Variants in TAFA2 observed in about 807,000 individuals in gnomAD.
The protein encoded by TAFA2 is TAFA chemokine like family member 2, also known as chemokine-like protein TAFA-2.
Under a neutral mutation model 18.8 loss-of-function variants are expected in TAFA2, and 7 were observed. The observed-to-expected ratio is 0.37, with a 90% CI of 0.21 to 0.70. The LOEUF is 0.70. TAFA2 is among the 30% of genes least tolerant of loss of function. The pLI is 0.53. For synonymous variants in TAFA2, 60 were observed against 54.2 expected (o/e 1.11, Z -0.47); for missense variants, 122 against 158.1 (o/e 0.77, Z 1.23).
intron 1 of TAFA2, among the ~76,000 whole-genome samples, chr12:62,251,731 G>A (rs1361959773): frequency 6.6e-6 from 1 of 152,156 alleles, no homozygotes; most frequent in East Asian, 1.9e-4. Flanking sequence ...AGGAAATGAA[G>A]CCAAGTCTTT....
chr12:62,085,820 A>G (rs1437523755), intron 1 of TAFA2, among the ~76,000 whole-genome samples: 1 of 152,138 alleles, frequency 6.6e-6, no homozygotes, highest in Non-Finnish European at 1.5e-5. Flanking sequence ...CTCCTGTTGA[A>G]TTGTAATTTC....
In TAFA2 at chr12:62,176,663, T is replaced by C. The variant is rs548209871; in HGVS notation, c.-2+14596A>G. On this transcript the variant is annotated intron_variant, in intron 1 of 4. Coordinates refer to ENST00000416284, the MANE Select transcript of TAFA2 (RefSeq NM_178539.5). ...AACAACGCTTTTCATCAAATGAAATTGGAGAATCATAGAAATGCATTTATA... is the reference window on the plus strand; with the variant it reads ...AACAACGCTTTTCATCAAATGAAATCGGAGAATCATAGAAATGCATTTATA... Among the ~76,000 whole-genome samples, 6 of 152,340 alleles carry C rather than the reference T, an allele frequency of 3.9e-5. No individual in the cohort carries two copies. The South Asian group carries it at 1.2e-3, about 32-fold the overall frequency.
intron 1 of TAFA2, among the ~76,000 whole-genome samples, chr12:61,908,444 G>A (rs1026707274): frequency 6.6e-5 from 10 of 151,944 alleles, no homozygotes; most frequent in Admixed American, 2.6e-4. Flanking sequence ...ACCTGCAGCC[G>A]TGATTATGAG....
intron 1 of TAFA2, among the ~76,000 whole-genome samples, chr12:61,922,498 C>T (rs1057335224): frequency 6.6e-6 from 1 of 152,130 alleles, no homozygotes; most frequent in Non-Finnish European, 1.5e-5. Context: ...TGCAAGGGGT[C>T]GGGGAACCCC....
chr12:62,213,278 G>A (rs1036099033), intron 1 of TAFA2, among the ~76,000 whole-genome samples: 4 of 152,158 alleles, frequency 2.6e-5, no homozygotes, highest in African/African-American at 9.7e-5. Flanking sequence ...TCTGTTTATG[G>A]ATAAGCTGCC....
chr12:62,234,537 G>T, intron 1 of TAFA2: 1 of 873,182 alleles, frequency 1.1e-6, no homozygotes, highest in Non-Finnish European at 2.0e-6. Context: ...AATGTCTGGT[G>T]TGTACCCACG....
chr12:61,899,249 C>T (rs1875991280), intron 1 of TAFA2, among the ~76,000 whole-genome samples: 1 of 152,194 alleles, frequency 6.6e-6, no homozygotes. Context: ...ACAGACAACT[C>T]TGTGGGGACA....
intron 1 of TAFA2, among the ~76,000 whole-genome samples, chr12:61,932,345 T>A (rs1259497632): frequency 6.6e-6 from 1 of 152,104 alleles, no homozygotes; most frequent in Non-Finnish European, 1.5e-5. Flanking sequence ...TCAGTGACAG[T>A]GATAAATAGA....
In TAFA2 at chr12:62,153,921, ATTATGTTATGTTATGTTATG is replaced by A. The variant is rs60466452; in HGVS notation, c.-2+37318_-2+37337del. 3.3e-3 allele frequency among the ~76,000 whole-genome samples: 412 copies of A among 124,124 alleles called. 4 individuals are homozygous for A. In the East Asian group the frequency reaches 0.035, roughly 11 times the overall value. The allele number at this position is 124,124 out of a possible 152,430, so 81.4% of individuals were successfully genotyped here. On this transcript the variant is annotated intron_variant, in intron 1 of 4. Transcript: ENST00000416284. ...TATACACAGGCATGAACATAACAAA[ATTATGTTATGTTATGTTATG>A]TTATGTTATGTTATGTTATGTTATG...
intron 2 of TAFA2, among the ~76,000 whole-genome samples, chr12:61,846,229 G>A (rs1873399466): frequency 6.6e-6 from 1 of 152,018 alleles, no homozygotes; most frequent in African/African-American, 2.4e-5. Context: ...TATACCAGAC[G>A]GATAGACTTT....
intron 4 of TAFA2, among the ~76,000 whole-genome samples, chr12:61,723,293 G>A (rs73322443): frequency 0.015 from 2,313 of 152,114 alleles, 48 homozygotes; most frequent in African/African-American, 0.05. Context: ...ATTTTGTTTC[G>A]TCAGTGCTAA....
At chr12:62,067,694 C>T (rs1882526192) in intron 1 of TAFA2, among the ~76,000 whole-genome samples, 1 of 152,010 alleles carries the variant, frequency 6.6e-6, no homozygotes, top group South Asian at 2.1e-4. Context: ...ATGGCAGTAC[C>T]ATGCCATTTT....
intron 2 of TAFA2, among the ~76,000 whole-genome samples, chr12:61,830,341 A>T (rs1477291301): frequency 6.6e-6 from 1 of 151,266 alleles, no homozygotes; most frequent in African/African-American, 2.4e-5. Flanking sequence ...ATATGTATAC[A>T]TACACACATA....
intron 2 of TAFA2, among the ~76,000 whole-genome samples, chr12:61,761,388 A>G (rs933260978): frequency 6.6e-6 from 1 of 152,062 alleles, no homozygotes; most frequent in African/African-American, 2.4e-5. Flanking sequence ...TTGTGAACCA[A>G]CCATAAATAC....
chr12:61,830,829 C>T (rs1872694403), intron 2 of TAFA2, among the ~76,000 whole-genome samples: 2 of 151,870 alleles, frequency 1.3e-5, no homozygotes, highest in Admixed American at 6.6e-5. Context: ...TTTAATTCTA[C>T]GATGAAGATA....
intron 1 of TAFA2, among the ~76,000 whole-genome samples, chr12:62,220,935 A>G (rs1342525863): frequency 6.6e-6 from 1 of 151,826 alleles, no homozygotes; most frequent in African/African-American, 2.4e-5. Flanking sequence ...GTGAAACCCC[A>G]TCTCTACTAA....
At chr12:61,970,982 A>G (rs1007053836) in intron 1 of TAFA2, among the ~76,000 whole-genome samples, 2 of 151,710 alleles carry the variant, frequency 1.3e-5, no homozygotes, top group African/African-American at 2.4e-5. Flanking sequence ...CTTATGATTC[A>G]TTAGTTCTAA....
At chr12:62,101,585 C>G (rs1423915499) in intron 1 of TAFA2, among the ~76,000 whole-genome samples, 1 of 152,182 alleles carries the variant, frequency 6.6e-6, no homozygotes, top group Admixed American at 6.5e-5. Flanking sequence ...AGCCACAGAA[C>G]CTTTTGTGCA....
chr12:62,063,209 A>G (rs939220854), intron 1 of TAFA2, among the ~76,000 whole-genome samples: 1 of 152,204 alleles, frequency 6.6e-6, no homozygotes, highest in Non-Finnish European at 1.5e-5. Flanking sequence ...GTCCTTCAGC[A>G]TGAAAGTTGT....
Sources: gnomAD v4.1 joint callset for allele counts (sites outside exome capture counted in the v4.1 genomes callset) on GRCh38, gnomAD v4.1.1 for gene constraint, MANE v1.5 for transcripts, NCBI Gene and HGNC (gene_info 2026-07-23, HGNC 2026-07-21) for gene names.